The following SRGAP3 variants were observed in gnomAD, a reference collection of about 807,000 sequenced individuals.
SRGAP3 encodes the protein SLIT-ROBO Rho GTPase-activating protein 3.
SRGAP3 carries 39 observed loss-of-function variants against 121.1 expected under a neutral mutation model. That is an observed-to-expected ratio of 0.32 (90% CI 0.25 to 0.42). The LOEUF is 0.42. SRGAP3 is among the 10% of genes least tolerant of loss of function. The probability of loss-of-function intolerance (pLI) is 1.00; values close to 1 mark genes in which losing one functional copy is unlikely to be tolerated. For missense variants in SRGAP3, 1,213 were observed against 1,470.6 expected (o/e 0.82, Z 2.86); for synonymous variants, 601 against 570.0 (o/e 1.05, Z -0.77).
intron 10 of SRGAP3, among the ~76,000 whole-genome samples, chr3:9,042,410 G>T (rs1945061803): frequency 6.9e-6 from 1 of 145,438 alleles, no homozygotes; most frequent in Non-Finnish European, 1.5e-5. Context: ...AAGACTTTTA[G>T]AAGAAAGAAT....
chr3:9,128,862 T>C (rs1319918500), intron 1 of SRGAP3, among the ~76,000 whole-genome samples: 3 of 152,142 alleles, frequency 2.0e-5, no homozygotes, highest in Non-Finnish European at 4.4e-5. Context: ...GCAAAACTAG[T>C]TTATGGTGAT....
At chr3:9,058,544 A>G (rs1945951045) in intron 6 of SRGAP3, 72 bp from the exon 7 acceptor site, 1 of 1,468,094 alleles carries the variant, frequency 6.8e-7, no homozygotes, top group Admixed American at 1.7e-5. Flanking sequence ...TGGCCACCAC[A>G]GTGACTTACA....
At chr3:9,023,627 C>T (rs1270255149) in intron 14 of SRGAP3, among the ~76,000 whole-genome samples, 1 of 152,170 alleles carries the variant, frequency 6.6e-6, no homozygotes, top group African/African-American at 2.4e-5. Flanking sequence ...TGGCTGTTGA[C>T]TAAACTGGCT....
chr3:9,128,527 T>A (rs529230016), intron 1 of SRGAP3, among the ~76,000 whole-genome samples: 22 of 152,334 alleles, frequency 1.4e-4, no homozygotes, highest in Non-Finnish European at 3.1e-4. Context: ...TTCAGGTAAC[T>A]TTGATGGATG....
At chr3:9,013,255 C>A in intron 17 of SRGAP3, 53 bp downstream of exon 17, 1 of 1,547,714 alleles carries the variant, frequency 6.5e-7, no homozygotes, top group Non-Finnish European at 8.9e-7. Context: ...TGTTCCTATT[C>A]AATGGCAATA....
At chr3:9,338,732 A>G (rs923772101) in intron 1 of SRGAP3, among the ~76,000 whole-genome samples, 21 of 152,218 alleles carry the variant, frequency 1.4e-4, no homozygotes, top group African/African-American at 5.1e-4. Flanking sequence ...GTTAACGAAA[A>G]TAAGCCCTGG....
rs1272797241 is a variant in SRGAP3 at position 8,985,636 on chromosome 3, C to T, written c.3183G>A (p.Arg1061=). The T allele has an allele frequency of 8.8e-6, 14 of 1,594,588 alleles. No homozygotes were observed. Among genetic ancestry groups the T allele is most frequent in the Non-Finnish European group, 1.2e-5 (14 of 1,177,468 alleles). The change falls in exon 22 of 22, where the codon CGG becomes CGA. Residue 1061 remains arginine, a synonymous_variant. Transcript: ENST00000383836. This position sits in a 1 kb window ranked among gnomAD's most constrained non-coding sequence, Gnocchi z 5.1. The part of the protein sequence containing the change: ...QLRPPPMRPV[R]PVVQHRSSSS... Reference sequence around the variant, plus strand: ...TGCTGGACCGGTGCTGGACCACCGGCCGCACGGGCCGCATGGGGGGCGGGC... The same window carrying T: ...TGCTGGACCGGTGCTGGACCACCGGTCGCACGGGCCGCATGGGGGGCGGGC...
At chr3:9,056,438 C>A in intron 7 of SRGAP3, 104 bp from the exon 8 acceptor site, 2 of 1,254,806 alleles carry the variant, frequency 1.6e-6, no homozygotes, top group Non-Finnish European at 2.3e-6. Context: ...GTCCAGGAAA[C>A]AGGGGCTCGG....
intron 1 of SRGAP3, among the ~76,000 whole-genome samples, chr3:9,341,555 C>T (rs1955788528): frequency 6.6e-6 from 1 of 152,344 alleles, no homozygotes; most frequent in South Asian, 2.1e-4. Context: ...TCAGCAGCAA[C>T]ACAGGCTGTG....
At chr3:9,125,581 A>G (rs1949192836) in intron 1 of SRGAP3, among the ~76,000 whole-genome samples, 1 of 152,224 alleles carries the variant, frequency 6.6e-6, no homozygotes, top group African/African-American at 2.4e-5. Context: ...CCTCTCAGAT[A>G]TCACACTTCA....
chr3:9,180,448 C>T (rs1951344912), intron 1 of SRGAP3, among the ~76,000 whole-genome samples: 1 of 152,190 alleles, frequency 6.6e-6, no homozygotes, highest in South Asian at 2.1e-4. Flanking sequence ...TTTCTTTTGG[C>T]TGCAGAAGCA....
intron 2 of SRGAP3, among the ~76,000 whole-genome samples, chr3:9,328,167 A>G (rs1270319371): frequency 6.6e-6 from 1 of 152,232 alleles, no homozygotes; most frequent in African/African-American, 2.4e-5. Context: ...AGTTACATGA[A>G]CTAAAGGCAT....
intron 3 of SRGAP3, among the ~76,000 whole-genome samples, chr3:9,091,498 C>T (rs1168744087): frequency 6.6e-6 from 1 of 152,154 alleles, no homozygotes; most frequent in South Asian, 2.1e-4. Flanking sequence ...AAACTTGAGA[C>T]CCACAGATGT....
At chr3:9,172,317 G>A (rs1489164785) in intron 1 of SRGAP3, among the ~76,000 whole-genome samples, 2 of 151,724 alleles carry the variant, frequency 1.3e-5, no homozygotes, top group Non-Finnish European at 2.9e-5. Flanking sequence ...TTCCCAGGCT[G>A]GTCTTGAACT....
intron 12 of SRGAP3, among the ~76,000 whole-genome samples, chr3:9,031,055 T>C (rs1022623110): frequency 2.0e-5 from 3 of 152,156 alleles, no homozygotes; most frequent in Non-Finnish European, 4.4e-5. Flanking sequence ...GCTCAAGCCA[T>C]CCTCCCACCT....
At chr3:9,230,779 A>T (rs1479007532) in intron 1 of SRGAP3, among the ~76,000 whole-genome samples, 1 of 151,752 alleles carries the variant, frequency 6.6e-6, no homozygotes, top group Admixed American at 6.6e-5. Context: ...AGTCTGAGGC[A>T]GGATTGCTTA....
At chr3:9,128,823 T>C (rs572990678) in intron 1 of SRGAP3, among the ~76,000 whole-genome samples, 5 of 152,212 alleles carry the variant, frequency 3.3e-5, no homozygotes, top group Non-Finnish European at 7.3e-5. Flanking sequence ...CTTGTGTTTA[T>C]TGAAAGAAGC....
rs116000070 is a variant in SRGAP3 at position 9,235,793 on chromosome 3, C to T, written c.67+13092G>A. On this transcript the variant is annotated intron_variant, in intron 1 of 21. Coordinates refer to ENST00000383836, the MANE Select transcript of SRGAP3 (RefSeq NM_014850.4). The stretch of plus-strand genomic sequence containing the variant: ...TGCTGGGATTACAAGCACGAGCCAC[C>T]GCGCCCGGCCAAGGAGCTATTGTTT... The T allele has an allele frequency of 7.6e-3, 1,157 of 152,240 alleles. 5 individuals are homozygous for T. Among genetic ancestry groups the T allele is most frequent in the Non-Finnish European group, 0.013 (895 of 68,080 alleles). 9.4% of individuals were successfully genotyped at this position (152,240 alleles called of 1,614,324 possible). A position where few individuals can be genotyped will look rare whatever the true frequency, so the allele number is the denominator to read the frequency against.
At chr3:9,210,300 C>T (rs905516309) in intron 1 of SRGAP3, among the ~76,000 whole-genome samples, 1 of 152,142 alleles carries the variant, frequency 6.6e-6, no homozygotes, top group Non-Finnish European at 1.5e-5. Context: ...TTTTGTGGTA[C>T]ATAATTCACA....
Sources: allele counts gnomAD v4.1 joint callset (sites outside exome capture counted in the v4.1 genomes callset), GRCh38; gene constraint gnomAD v4.1.1; non-coding constraint Gnocchi (gnomAD v3.1); transcripts MANE v1.5; gene names NCBI Gene and HGNC (gene_info 2026-07-23, HGNC 2026-07-21).